Variants in ST3GAL5 observed in about 807,000 individuals in gnomAD.
The protein encoded by ST3GAL5 is lactosylceramide alpha-2,3-sialyltransferase.
A neutral mutation model predicts 46.1 loss-of-function variants in ST3GAL5; 25 were observed. The ratio of observed to expected loss-of-function variants is 0.54; its 90% confidence interval spans 0.40 to 0.76. ST3GAL5 has a LOEUF of 0.76. Among genes scored for constraint, ST3GAL5 ranks in the 30% least tolerant of loss-of-function variants. The probability of loss-of-function intolerance (pLI) is 0.00; values close to 1 mark genes in which losing one functional copy is unlikely to be tolerated. For synonymous variants in ST3GAL5, 182 were observed against 192.7 expected, an observed-to-expected ratio of 0.94 and a Z score of 0.46; for missense variants, 431 against 521.2, an observed-to-expected ratio of 0.83 and a Z score of 1.69.
intron 4 of ST3GAL5, chr2:85,847,559 A>T: frequency 4.3e-6 from 5 of 1,154,910 alleles, no homozygotes; most frequent in Non-Finnish European, 5.4e-6. Context: ...CAGTGCACTG[A>T]GTTCTAGAGG....
chr2:85,856,141 T>A (rs559092724), intron 3 of ST3GAL5: 2 of 152,304 alleles, frequency 1.3e-5, no homozygotes, highest in East Asian at 3.9e-4. Context: ...TACATACACA[T>A]GTTCACAGCA....
intron 6 of ST3GAL5, chr2:85,840,612 C>G: frequency 1.7e-6 from 1 of 588,132 alleles, no homozygotes; most frequent in Non-Finnish European, 3.0e-6. Context: ...CACACACTTT[C>G]AAGGGGCAGC....
intron 1 of ST3GAL5, among the ~76,000 whole-genome samples, chr2:85,865,291 T>C (rs1685174651): frequency 6.6e-6 from 1 of 152,212 alleles, no homozygotes; most frequent in Non-Finnish European, 1.5e-5. Flanking sequence ...ATTCACTTCA[T>C]TTTTCCCGTT....
At chr2:85,886,311 C>T (rs756547675) in intron 1 of ST3GAL5, among the ~76,000 whole-genome samples, 15 of 152,052 alleles carry the variant, frequency 9.9e-5, no homozygotes, top group South Asian at 2.1e-4. Flanking sequence ...GGTGTGTGCC[C>T]GTAGTCTCAG....
At position 85,839,094 on chromosome 2, in the gene ST3GAL5, G is replaced by A. The variant is rs1681710904; in HGVS notation, c.*1050C>T. 6.6e-6 allele frequency: 1 copy of A among 152,184 alleles called. No homozygotes were observed. Among genetic ancestry groups the A allele is most frequent in the Admixed American group, 6.5e-5 (1 of 15,282 alleles). The allele number at this position is 152,184 out of a possible 1,614,324, so 9.4% of individuals were successfully genotyped here. A position where few individuals can be genotyped will look rare whatever the true frequency, so the allele number is the denominator to read the frequency against. On this transcript the variant is annotated 3_prime_UTR_variant, in exon 7 of 7. Coordinates refer to ENST00000638572, the MANE Select transcript of ST3GAL5 (RefSeq NM_003896.4). ...CCGCCTAGCAGCAGCATCCAAGAAG[G>A]AGGTTTTGGGTAGATTCATAGACAT...
At chr2:85,855,945 C>T (rs779131254) in intron 3 of ST3GAL5, 3 of 152,118 alleles carry the variant, frequency 2.0e-5, no homozygotes, top group Non-Finnish European at 4.4e-5. Context: ...AAGATAATAA[C>T]AAATGTTGAT....
At chr2:85,885,725 A>G (rs1262425936) in intron 1 of ST3GAL5, among the ~76,000 whole-genome samples, 1 of 151,900 alleles carries the variant, frequency 6.6e-6, no homozygotes, top group African/African-American at 2.4e-5. Context: ...CTACTCGGGA[A>G]GCTGAGGCAG....
Position 85,840,172 on chromosome 2 carries a change from A to G in ST3GAL5, c.1229T>C (p.Leu410Pro), listed in dbSNP as rs1287781304. The G allele has an allele frequency of 5.6e-6, 9 of 1,614,068 alleles. No individual in the cohort carries two copies. Among genetic ancestry groups the G allele is most frequent in the Non-Finnish European group, 7.6e-6 (9 of 1,180,044 alleles). Residue 410 changes from leucine (L) to proline (P), a missense_variant, in exon 7 of 7, where the codon CTC becomes CCC. Transcript: ENST00000638572. The part of the protein sequence containing the change: ...KLVKEGVVKD[L>P]SGGIDREF Reference sequence around the variant, plus strand: ...AAATTCACGATCAATGCCTCCACTGAGATCTTTCACCACTCCCTCTTTGAC... The same window carrying G: ...AAATTCACGATCAATGCCTCCACTGGGATCTTTCACCACTCCCTCTTTGAC...
Position 85,839,806 on chromosome 2 carries a change from T to C in ST3GAL5, c.*338A>G. 2.8e-6 allele frequency: 1 copy of C among 355,620 alleles called. No individual in the cohort carries two copies. The highest frequency in any genetic ancestry group is 2.3e-5 in the South Asian group (1 of 43,166). 22.0% of individuals were successfully genotyped at this position (355,620 alleles called of 1,614,324 possible). On this transcript the variant is annotated 3_prime_UTR_variant, in exon 7 of 7. Transcript: ENST00000638572. ...TCCCCTCTCCTTCCAATTAGTTACC[T>C]GTATTCAATGTGCAGTGTAAACGAG...
At chr2:85,859,423 A>G (rs775952556) in intron 3 of ST3GAL5, among the ~76,000 whole-genome samples, 55 of 152,344 alleles carry the variant, frequency 3.6e-4, no homozygotes, top group Non-Finnish European at 6.5e-4. Context: ...GGAATTGCAA[A>G]GGACTGGGGG....
chr2:85,875,859 A>G (rs567694472), intron 1 of ST3GAL5, among the ~76,000 whole-genome samples: 1 of 152,220 alleles, frequency 6.6e-6, no homozygotes, highest in African/African-American at 2.4e-5. Flanking sequence ...GAATTCTTAT[A>G]AGCAGACCTA....
chr2:85,864,441 T>C (rs1251439758), intron 1 of ST3GAL5, among the ~76,000 whole-genome samples: 1 of 152,154 alleles, frequency 6.6e-6, no homozygotes, highest in East Asian at 1.9e-4. Context: ...TAGATAAAAC[T>C]AACTTTAAGC....
At position 85,876,436 on chromosome 2, in the gene ST3GAL5, C is replaced by G. The variant is rs573586616; in HGVS notation, c.82+12388G>C. ...GCCACACTGTTAAGTGTTCCTCCAC[C>G]CTGTTTTCTTTTCTTTTTCTTTTTC... On this transcript the variant is annotated intron_variant, in intron 1 of 6. Coordinates refer to ENST00000638572, the MANE Select transcript of ST3GAL5 (RefSeq NM_003896.4). 2.6e-5 allele frequency among the ~76,000 whole-genome samples: 4 copies of G among 151,198 alleles called. No homozygotes were observed. In the South Asian group the frequency reaches 8.4e-4, roughly 32 times the overall value.
Position 85,853,053 on chromosome 2 carries a change from A to G in ST3GAL5, c.319-4849T>C, listed in dbSNP as rs1225011151. On this transcript the variant is annotated intron_variant, in intron 3 of 6. Coordinates refer to ENST00000638572, the MANE Select transcript of ST3GAL5 (RefSeq NM_003896.4). ...GAAGCGGCTGAGTCCATCTGGCCAT[A>G]ATTAACTGCACGCAATGCCATCCGC... 5 of 1,304,094 alleles carry G rather than the reference A, an allele frequency of 3.8e-6. No individual in the cohort carries two copies. In the African/African-American group the frequency reaches 4.6e-5, roughly 12 times the overall value. The allele number at this position is 1,304,094 out of a possible 1,614,324, so 80.8% of individuals were successfully genotyped here.
At chr2:85,881,095 T>C (rs6751743) in intron 1 of ST3GAL5, among the ~76,000 whole-genome samples, 84,154 of 152,036 alleles carry the variant, frequency 0.55, 23,765 homozygotes, top group East Asian at 0.68. Flanking sequence ...ATAAGTCTCA[T>C]GAGATCTGAT....
At chr2:85,869,003 G>A (rs111228120) in intron 1 of ST3GAL5, among the ~76,000 whole-genome samples, 1 of 152,158 alleles carries the variant, frequency 6.6e-6, no homozygotes, top group African/African-American at 2.4e-5. Context: ...TAGGCGTAGA[G>A]GCATCTGGAA....
At chr2:85,867,963 A>C (rs374137924) in intron 1 of ST3GAL5, 10 of 339,056 alleles carry the variant, frequency 2.9e-5, no homozygotes, top group African/African-American at 2.1e-4. Flanking sequence ...AGTTTCATCA[A>C]ATCCCTCTAC....
chr2:85,839,575 C>G lies in ST3GAL5; in HGVS notation c.*569G>C, dbSNP rs1681762366. 1 of 161,268 alleles carries G rather than the reference C, an allele frequency of 6.2e-6. No homozygotes were observed. Among genetic ancestry groups the G allele is most frequent in the Non-Finnish European group, 1.4e-5 (1 of 73,220 alleles). The allele number at this position is 161,268 out of a possible 1,614,324, so 10.0% of individuals were successfully genotyped here. A position where few individuals can be genotyped will look rare whatever the true frequency, so the allele number is the denominator to read the frequency against. On this transcript the variant is annotated 3_prime_UTR_variant, in exon 7 of 7. Coordinates refer to ENST00000638572, the MANE Select transcript of ST3GAL5 (RefSeq NM_003896.4). ...CAGGACAGCTTCCCTGGTTGGTTCT[C>G]GAGTCTTTCAGCAGAAGGCAGACCA...
intron 3 of ST3GAL5, chr2:85,851,829 G>T: frequency 3.0e-6 from 2 of 662,190 alleles, no homozygotes; most frequent in Non-Finnish European, 4.5e-6. Flanking sequence ...GAAGCCAGGA[G>T]CTGGTGACTC....
Sources: gnomAD v4.1 joint callset for allele counts (sites outside exome capture counted in the v4.1 genomes callset) on GRCh38, gnomAD v4.1.1 for gene constraint, MANE v1.5 for transcripts, NCBI Gene and HGNC (gene_info 2026-07-23, HGNC 2026-07-21) for gene names.